The following PHF1 variants were observed in gnomAD, a reference collection of about 807,000 sequenced individuals.
PHF1 encodes polycomb-like 1.
PHF1 carries 16 observed loss-of-function variants against 69.4 expected under a neutral mutation model. The observed-to-expected ratio is 0.23, with a 90% CI of 0.16 to 0.35. The LOEUF (loss-of-function observed/expected upper bound fraction) is 0.35, where lower values mean the gene tolerates loss of function less well. Among genes scored for constraint, PHF1 ranks in the 10% least tolerant of loss-of-function variants. The pLI, the probability that PHF1 is intolerant of heterozygous loss-of-function variation, is 1.00. For synonymous variants in PHF1, 274 were observed against 275.0 expected (o/e 1.00, Z 0.04); for missense variants, 515 against 732.8 (o/e 0.70, Z 3.43).
intron 4 of PHF1, 180 bp from the exon 5 acceptor site, chr6:33,413,016 T>C (rs1776194617): frequency 1.4e-6 from 1 of 703,906 alleles, no homozygotes; most frequent in Non-Finnish European, 2.5e-6. Flanking sequence ...TCTAACCATA[T>C]GACCTCGGAC....
Position 33,416,168 on chromosome 6 carries a change from C to A in PHF1, c.*70C>A. 1 of 1,340,436 alleles carries A rather than the reference C, an allele frequency of 7.5e-7. No individual in the cohort carries two copies. Among genetic ancestry groups the A allele is most frequent in the Non-Finnish European group, 1.0e-6 (1 of 994,268 alleles). The allele number at this position is 1,340,436 out of a possible 1,614,324, so 83.0% of individuals were successfully genotyped here. A position where few individuals can be genotyped will look rare whatever the true frequency, so the allele number is the denominator to read the frequency against. ...TTCATACCCTGACCTCTGACCTCACCTACAGCTGGGATGTACCTGGAGAGA... is the reference window on the plus strand; with the variant it reads ...TTCATACCCTGACCTCTGACCTCACATACAGCTGGGATGTACCTGGAGAGA... On this transcript the variant is annotated 3_prime_UTR_variant, in exon 15 of 15. Transcript: ENST00000374516.
At chr6:33,413,086 C>A in intron 4 of PHF1, 110 bp from the exon 5 acceptor site, 1 of 977,196 alleles carries the variant, frequency 1.0e-6, no homozygotes, top group Non-Finnish European at 1.6e-6. Context: ...ATAATGCACC[C>A]CCTCATCAAG....
In PHF1 at chr6:33,414,602, G is replaced by A. The variant is rs530288059; in HGVS notation, c.944+58G>A. 6.3e-7 allele frequency: 1 copy of A among 1,590,768 alleles called. No homozygotes were observed. The highest frequency in any genetic ancestry group is 1.7e-5 in the Admixed American group (1 of 59,798). On this transcript the variant is annotated intron_variant, in intron 10 of 14. Transcript: ENST00000374516. The surrounding 1 kb of genome is among the most constrained non-coding windows in gnomAD (Gnocchi z 5.0). Reference sequence around the variant, plus strand: ...GCTCGGAAAGAGATGGAGAGTGGAAGCCTGGAAGGGGAGGGGCTTGCAACC... The same window carrying A: ...GCTCGGAAAGAGATGGAGAGTGGAAACCTGGAAGGGGAGGGGCTTGCAACC...
Position 33,412,187 on chromosome 6 carries a change from G to T in PHF1, c.-16-61G>T. On this transcript the variant is annotated intron_variant, in intron 1 of 14. Transcript: ENST00000374516. This position sits in a 1 kb window ranked among gnomAD's most constrained non-coding sequence, Gnocchi z 4.2. ...AGGAAAAAAAAAAAAAAAAGAAAAA[G>T]AAAATGGGGAAGGTTTCTCAGCATT... 1.6e-3 allele frequency: 1,483 copies of T among 912,240 alleles called. No homozygotes were observed. Among genetic ancestry groups the T allele is most frequent in the Non-Finnish European group, 2.2e-3 (1,341 of 605,788 alleles). 56.5% of individuals were successfully genotyped at this position (912,240 alleles called of 1,614,324 possible).
Position 33,416,397 on chromosome 6 carries a change from G to A in PHF1, c.*299G>A. ...AGACTGAGGAGGGAGGATGATAAGG[G>A]ATCCCGGACTCTGTATGATTGAAAT... On this transcript the variant is annotated 3_prime_UTR_variant, in exon 15 of 15. Transcript: ENST00000374516. 6.0e-6 allele frequency: 3 copies of A among 503,314 alleles called. No homozygotes were observed. The highest frequency in any genetic ancestry group is 7.6e-5 in the South Asian group (2 of 26,388). 31.2% of individuals were successfully genotyped at this position (503,314 alleles called of 1,614,324 possible).
intron 6 of PHF1, 35 bp downstream of exon 6, chr6:33,413,592 A>G (rs1412480299): frequency 1.2e-6 from 2 of 1,613,568 alleles, no homozygotes; most frequent in East Asian, 4.5e-5. Context: ...TGTGGAATGA[A>G]TGATGTGGTG....
Position 33,412,240 on chromosome 6 carries a change from C to T in PHF1, c.-16-8C>T, listed in dbSNP as rs774394651. On this transcript the variant is annotated splice_polypyrimidine_tract_variant and splice_region_variant and intron_variant, in intron 1 of 14. Coordinates refer to ENST00000374516, the MANE Select transcript of PHF1 (RefSeq NM_024165.3). The surrounding 1 kb of genome is among the most constrained non-coding windows in gnomAD (Gnocchi z 4.2). ...TAACCTTCTCCTCCCCATTTCTTTTCTGGCTAGGCCCCCCCAGGATGCAAT... is the reference window on the plus strand; with the variant it reads ...TAACCTTCTCCTCCCCATTTCTTTTTTGGCTAGGCCCCCCCAGGATGCAAT... The T allele has an allele frequency of 3.4e-5, 54 of 1,587,146 alleles. No individual in the cohort carries two copies. Among genetic ancestry groups the T allele is most frequent in the Non-Finnish European group, 1.6e-5 (19 of 1,160,146 alleles).
chr6:33,410,477 C>T (rs1226023830), upstream of PHF1: 1 of 118,158 alleles, frequency 8.5e-6, no homozygotes, highest in Non-Finnish European at 1.8e-5. Context: ...CGGCCGCCGC[C>T]CGGTGAAGGA....
At position 33,412,911 on chromosome 6, in the gene PHF1, T is replaced by C; in HGVS notation, c.337+118T>C. 1 of 863,664 alleles carries C rather than the reference T, an allele frequency of 1.2e-6. No homozygotes were observed. The highest frequency in any genetic ancestry group is 1.7e-5 in the African/African-American group (1 of 60,124). 53.5% of individuals were successfully genotyped at this position (863,664 alleles called of 1,614,324 possible). Reference sequence around the variant, plus strand: ...GCTCTGGCCAGGCTGCTTAGCCTTATCTTAGTCCTCATCCGCTTTCAGCCC... The same window carrying C: ...GCTCTGGCCAGGCTGCTTAGCCTTACCTTAGTCCTCATCCGCTTTCAGCCC... On this transcript the variant is annotated intron_variant, in intron 4 of 14. Transcript: ENST00000374516. The surrounding 1 kb of genome is among the most constrained non-coding windows in gnomAD (Gnocchi z 4.2).
rs1338656795 is a variant in PHF1, at chr6:33,415,970, G to T, written c.1576G>T (p.Gly526Trp). ...GTGCCGTAGTTTGTCTCCTGGGACTGGGGGAGGAGTCCGAGGTGGGGTTGG... is the reference window on the plus strand; with the variant it reads ...GTGCCGTAGTTTGTCTCCTGGGACTTGGGGAGGAGTCCGAGGTGGGGTTGG... ...PLCRSLSPGT[G>W]GGVRGGVGYL... Residue 526 changes from glycine (G) to tryptophan (W), a missense_variant, in exon 15 of 15, where the codon GGG becomes TGG. Coordinates refer to ENST00000374516, the MANE Select transcript of PHF1 (RefSeq NM_024165.3). The T allele has an allele frequency of 6.2e-7, 1 of 1,614,094 alleles. No homozygotes were observed. Among genetic ancestry groups the T allele is most frequent in the Admixed American group, 1.7e-5 (1 of 60,014 alleles).
chr6:33,415,166 G>T (rs3106196), intron 12 of PHF1, 22 bp downstream of exon 12: 1,487,078 of 1,613,586 alleles, frequency 0.92, 686,485 homozygotes, highest in East Asian at 1. Flanking sequence ...GGGGGAACCC[G>T]ATGGAGCAAA....
upstream of PHF1, chr6:33,411,008 C>T (rs2151101503): frequency 6.6e-6 from 1 of 151,098 alleles, no homozygotes; most frequent in Non-Finnish European, 1.5e-5. Context: ...CCCTCCCCCC[C>T]GCCGCCTCCT....
chr6:33,416,100 C>G lies in PHF1; in HGVS notation c.*2C>G. The G allele has an allele frequency of 6.5e-7, 1 of 1,531,600 alleles. No individual in the cohort carries two copies. Among genetic ancestry groups the G allele is most frequent in the Middle Eastern group, 1.8e-4 (1 of 5,634 alleles). 94.9% of individuals were successfully genotyped at this position (1,531,600 alleles called of 1,614,324 possible). A position where few individuals can be genotyped will look rare whatever the true frequency, so the allele number is the denominator to read the frequency against. On this transcript the variant is annotated 3_prime_UTR_variant, in exon 15 of 15. Transcript: ENST00000374516. ...TGGGGAGGAGGGGGCATCTTCTGAACAGCCTGCCTCTGCCCAGCTCCCCAT... is the reference window on the plus strand; with the variant it reads ...TGGGGAGGAGGGGGCATCTTCTGAAGAGCCTGCCTCTGCCCAGCTCCCCAT...
At position 33,415,922 on chromosome 6, in the gene PHF1, C is replaced by T. The variant is rs368864667; in HGVS notation, c.1528C>T (p.Arg510Cys). ...VSSPSPGLPR[R>C]SAPPSPLCRS... ...ATCCCCATCCCCAGGTCTTCCTAGA[C>T]GCTCAGCACCCCCTTCTCCCCTGTG... The change falls in exon 15 of 15, where the codon CGC becomes TGC. Residue 510 changes from arginine (R) to cysteine (C), a missense_variant. Around this residue, in one of 5 missense-constraint regions of PHF1, gnomAD observed 274 missense variants for 304.5 expected, o/e 0.90. Coordinates refer to ENST00000374516, the MANE Select transcript of PHF1 (RefSeq NM_024165.3). 54 of 1,614,002 alleles carry T rather than the reference C, an allele frequency of 3.3e-5. No homozygotes were observed. Among genetic ancestry groups the T allele is most frequent in the Admixed American group, 8.3e-5 (5 of 60,004 alleles).
chr6:33,415,503 G>C, intron 13 of PHF1, 87 bp from the exon 14 acceptor site: 10 of 1,409,024 alleles, frequency 7.1e-6, no homozygotes, highest in Non-Finnish European at 1.0e-5. Flanking sequence ...GAGTCCCTTG[G>C]GGGTAGTGTT....
intron 13 of PHF1, 84 bp from the exon 14 acceptor site, chr6:33,415,506 G>A (rs1339731028): frequency 1.4e-6 from 2 of 1,420,830 alleles, no homozygotes; most frequent in Non-Finnish European, 2.0e-6. Context: ...TCCCTTGGGG[G>A]TAGTGTTTGA....
At position 33,412,161 on chromosome 6, in the gene PHF1, C is replaced by T; in HGVS notation, c.-16-87C>T. 1.0e-6 allele frequency: 1 copy of T among 953,706 alleles called. No individual in the cohort carries two copies. Among genetic ancestry groups the T allele is most frequent in the Non-Finnish European group, 1.5e-6 (1 of 658,398 alleles). 59.1% of individuals were successfully genotyped at this position (953,706 alleles called of 1,614,324 possible). On this transcript the variant is annotated intron_variant, in intron 1 of 14. Coordinates refer to ENST00000374516, the MANE Select transcript of PHF1 (RefSeq NM_024165.3). The surrounding 1 kb of genome is among the most constrained non-coding windows in gnomAD (Gnocchi z 4.2). ...TGGGCGACAGAGCAAAACTCCATCT[C>T]AGGAAAAAAAAAAAAAAAAGAAAAA... is the stretch of plus-strand genomic sequence containing the variant.
At chr6:33,411,570 A>T (rs1448917748) in intron 1 of PHF1, among the ~76,000 whole-genome samples, 1 of 152,112 alleles carries the variant, frequency 6.6e-6, no homozygotes, top group Non-Finnish European at 1.5e-5. Context: ...GGGCAACAGG[A>T]CACCCTAATT....
At chr6:33,413,032 C>G (rs1581941617) in intron 4 of PHF1, 164 bp from the exon 5 acceptor site, 1 of 749,624 alleles carries the variant, frequency 1.3e-6, no homozygotes, top group East Asian at 2.6e-5. Context: ...CGGACAAGTC[C>G]CTTAACCTCT....
Sources: gnomAD v4.1 joint callset for allele counts (sites outside exome capture counted in the v4.1 genomes callset) on GRCh38, gnomAD v4.1.1 for gene constraint, gnomAD v4.1.1 regional missense constraint, Gnocchi (gnomAD v3.1) non-coding constraint, MANE v1.5 for transcripts, NCBI Gene and HGNC (gene_info 2026-07-23, HGNC 2026-07-21) for gene names.